MBD3: variants seen among roughly 807,000 people sequenced by gnomAD.
The protein encoded by MBD3 is methyl-CpG binding domain protein 3.
Under a neutral mutation model 31.2 loss-of-function variants are expected in MBD3, and 13 were observed. The observed-to-expected ratio is 0.42, with a 90% CI of 0.27 to 0.66. MBD3 has a LOEUF of 0.66. Ranked by LOEUF, MBD3 falls within the 30% of genes least tolerant of loss-of-function variation. The pLI, the probability that MBD3 is intolerant of heterozygous loss-of-function variation, is 0.26. For synonymous variants in MBD3, 223 were observed against 187.4 expected (o/e 1.19, Z -1.55); for missense variants, 440 against 426.5 (o/e 1.03, Z -0.28).
chr19:1,581,163 C>T lies in MBD3; in HGVS notation c.606G>A (p.Lys202=), dbSNP rs778658441. 6.2e-7 allele frequency: 1 copy of T among 1,614,140 alleles called. No individual in the cohort carries two copies. Among genetic ancestry groups the T allele is most frequent in the Non-Finnish European group, 8.5e-7 (1 of 1,180,032 alleles). The change falls in exon 5 of 7, where the codon AAG becomes AAA. Residue 202 remains lysine (K), a synonymous_variant. Coordinates refer to ENST00000434436, the MANE Select transcript of MBD3 (RefSeq NM_001281453.2). The part of the protein sequence containing the change: ...ITGQLSAAVE[K]NPGVWLNTTQ... ...TGGTGTTGAGCCATACGCCGGGGTT[C>T]TTCTCCACGGCGGCCGAGAGCTGTC...
At chr19:1,588,757 C>G (rs368639637) in intron 1 of MBD3, among the ~76,000 whole-genome samples, 1 of 128,992 alleles carries the variant, frequency 7.8e-6, no homozygotes, top group African/African-American at 3.0e-5. Flanking sequence ...CCAGCCTGGG[C>G]GACAGAGCAA....
rs1218149524 is a variant in MBD3 at position 1,585,341 on chromosome 19, C to T, written c.111-127G>A. 7.6e-6 allele frequency: 8 copies of T among 1,050,422 alleles called. No individual in the cohort carries two copies. The Admixed American group carries it at 1.2e-4, about 15-fold the overall frequency. The allele number at this position is 1,050,422 out of a possible 1,614,324, so 65.1% of individuals were successfully genotyped here. A position where few individuals can be genotyped will look rare whatever the true frequency, so the allele number is the denominator to read the frequency against. On this transcript the variant is annotated intron_variant, in intron 1 of 6. Transcript: ENST00000434436. The surrounding 1 kb of genome is among the most constrained non-coding windows in gnomAD (Gnocchi z 4.1). ...GCGACCCCAGCCCCAGACCCCAACA[C>T]GGCCCTGACCCCAAACCCAGGCAGG... is the stretch of plus-strand genomic sequence containing the variant.
chr19:1,584,611 T>A lies in MBD3; in HGVS notation c.337A>T (p.Thr113Ser), dbSNP rs2060668786. The A allele has an allele frequency of 6.2e-7, 1 of 1,613,920 alleles. No homozygotes were observed. Among genetic ancestry groups the A allele is most frequent in the Non-Finnish European group, 8.5e-7 (1 of 1,179,944 alleles). Residue 113 changes from threonine (T) to serine (S), a missense_variant, in exon 3 of 7, where the codon ACC becomes TCC. This residue lies in a region of MBD3 where 144 missense variants were observed against 196.9 expected (regional missense o/e 0.73). Transcript: ENST00000434436. The stretch of plus-strand genomic sequence containing the variant: ...TTGCTGGGGTGGTTGGTAATCTTGG[T>A]CACCGGCTGCTTGAAGATGGACGCC... ...QTASIFKQPV[T>S]KITNHPSNKV...
At chr19:1,589,671 T>G (rs557950662) in intron 1 of MBD3, among the ~76,000 whole-genome samples, 14 of 151,900 alleles carry the variant, frequency 9.2e-5, no homozygotes, top group Non-Finnish European at 1.8e-4. Context: ...TAAATAATAA[T>G]GAACATAAAA....
At chr19:1,581,428 T>TA in intron 4 of MBD3, 159 bp from the exon 5 acceptor site, 1 of 765,418 alleles carries the variant, frequency 1.3e-6, no homozygotes, top group Non-Finnish European at 2.2e-6. Flanking sequence ...CCGCTTGTGT[T>TA]ACTACATTCA....
intron 4 of MBD3, 29 bp downstream of exon 4, chr19:1,582,593 T>G: frequency 6.2e-7 from 1 of 1,606,134 alleles, no homozygotes; most frequent in East Asian, 2.2e-5. Context: ...GCACATCCCC[T>G]TCCGCCTCCC....
rs778701832 is a variant in MBD3, at chr19:1,578,388, CTCCTCGTCT to C, written c.819_827del (p.Asp274_Glu276del). On this transcript the variant is annotated inframe_deletion, in exon 6 of 7. Coordinates refer to ENST00000434436, the MANE Select transcript of MBD3 (RefSeq NM_001281453.2). The surrounding 1 kb of genome is among the most constrained non-coding windows in gnomAD (Gnocchi z 6.1). ...CCGGGTCGGGCTCCTCCTCCTCCTC[CTCCTCGTCT>C]TCCTCGTCGTCGTCCTCAGCGCAGG... 6.2e-5 allele frequency: 100 copies of C among 1,604,390 alleles called. No homozygotes were observed. In the South Asian group the frequency reaches 8.0e-4, roughly 13 times the overall value.
At position 1,592,584 on chromosome 19, in the gene MBD3, C is replaced by T. The variant is rs1435669292; in HGVS notation, c.48G>A (p.Glu16=). ...WECPALPQGW[E]REEVPRRSGL... ...CCGACCTTCTGGGCACTTCTTCCCT[C>T]TCCCAGCCCTGCGGGAGCGCCGGGC... The change falls in exon 1 of 7, where the codon GAG becomes GAA. Residue 16 remains glutamate, a synonymous_variant. Coordinates refer to ENST00000434436, the MANE Select transcript of MBD3 (RefSeq NM_001281453.2). 1 of 1,424,974 alleles carries T rather than the reference C, an allele frequency of 7.0e-7. No homozygotes were observed. The highest frequency in any genetic ancestry group is 9.4e-7 in the Non-Finnish European group (1 of 1,065,802). The allele number at this position is 1,424,974 out of a possible 1,614,324, so 88.3% of individuals were successfully genotyped here.
At chr19:1,590,553 G>T (rs2060698841) in intron 1 of MBD3, among the ~76,000 whole-genome samples, 1 of 152,132 alleles carries the variant, frequency 6.6e-6, no homozygotes, top group Non-Finnish European at 1.5e-5. Flanking sequence ...GGGAGGTCAA[G>T]AATGCGTAAG....
chr19:1,585,212 G>A lies in MBD3; in HGVS notation c.113C>T (p.Pro38Leu), dbSNP rs756998738. The A allele has an allele frequency of 7.5e-6, 12 of 1,591,778 alleles. No individual in the cohort carries two copies. Among genetic ancestry groups the A allele is most frequent in the South Asian group, 5.6e-5 (5 of 89,678 alleles). Residue 38 changes from proline (P) to leucine (L), a missense_variant and splice_region_variant, in exon 2 of 7, where the codon CCG becomes CTG. Coordinates refer to ENST00000434436, the MANE Select transcript of MBD3 (RefSeq NM_001281453.2). This position sits in a 1 kb window ranked among gnomAD's most constrained non-coding sequence, Gnocchi z 4.1. ...CTTGCTGCGGAACTTCTTCCCGCTC[G>A]GGCTGCGGGGAGGCGGGACGGTCGG... ...AGHRDVFYYS[P>L]SGKKFRSKPQ...
intron 4 of MBD3, 38 bp from the exon 5 acceptor site, chr19:1,581,307 T>C: frequency 6.3e-7 from 1 of 1,591,484 alleles, no homozygotes; most frequent in South Asian, 1.1e-5. Flanking sequence ...AGTGGAGAGG[T>C]CACCACGGGG....
chr19:1,578,612 A>T lies in MBD3; in HGVS notation c.678-74T>A. On this transcript the variant is annotated intron_variant, in intron 5 of 6. Transcript: ENST00000434436. This position sits in a 1 kb window ranked among gnomAD's most constrained non-coding sequence, Gnocchi z 6.1. ...ACATGGACACAGGATGAACGTGGGG[A>T]CCTCAGCTGGGAGGGGAGGCCCGAG... 1 of 1,601,892 alleles carries T rather than the reference A, an allele frequency of 6.2e-7. No individual in the cohort carries two copies. Among genetic ancestry groups the T allele is most frequent in the Admixed American group, 1.7e-5 (1 of 59,994 alleles).
chr19:1,591,541 GA>G (rs2060703621), intron 1 of MBD3, among the ~76,000 whole-genome samples: 1 of 152,140 alleles, frequency 6.6e-6, no homozygotes, highest in African/African-American at 2.4e-5. Flanking sequence ...GAAAAAGGGG[GA>G]CCAGCCGCAC....
chr19:1,592,585 T>C lies in MBD3; in HGVS notation c.47A>G (p.Glu16Gly). ...CGACCTTCTGGGCACTTCTTCCCTC[T>C]CCCAGCCCTGCGGGAGCGCCGGGCA... Reference protein sequence around the residue: ...WECPALPQGWEREEVPRRSGL... With the variant: ...WECPALPQGWGREEVPRRSGL... The change falls in exon 1 of 7, where the codon GAG becomes GGG. Residue 16 changes from glutamate to glycine, a missense_variant. Physicochemically the swap from Glu to Gly is moderately conservative, Grantham distance 98. Around this residue, in one of 3 missense-constraint regions of MBD3, gnomAD observed 179 missense variants for 134.7 expected, o/e 1.33. Coordinates refer to ENST00000434436, the MANE Select transcript of MBD3 (RefSeq NM_001281453.2). The C allele has an allele frequency of 2.1e-6, 3 of 1,420,942 alleles. No individual in the cohort carries two copies. Among genetic ancestry groups the C allele is most frequent in the East Asian group, 3.6e-5 (1 of 27,770 alleles). The allele number at this position is 1,420,942 out of a possible 1,614,324, so 88.0% of individuals were successfully genotyped here. A position where few individuals can be genotyped will look rare whatever the true frequency, so the allele number is the denominator to read the frequency against.
intron 3 of MBD3, among the ~76,000 whole-genome samples, chr19:1,583,898 T>C (rs2060665040): frequency 1.3e-5 from 2 of 152,154 alleles, no homozygotes; most frequent in Middle Eastern, 3.2e-3. Flanking sequence ...CTCGGCTCAC[T>C]GCAACCTCCA....
At chr19:1,590,756 T>A (rs543131516) in intron 1 of MBD3, among the ~76,000 whole-genome samples, 1 of 152,120 alleles carries the variant, frequency 6.6e-6, no homozygotes, top group African/African-American at 2.4e-5. Context: ...ACCACACGTA[T>A]AGAAAAAAGT....
In MBD3 at chr19:1,578,238, C is replaced by T. The variant is rs1446593316; in HGVS notation, c.*6-80G>A. Reference sequence around the variant, plus strand: ...GGCTCTTCTAGGGAGATGGGAAGCTCTTGGGAGGCACCCGTCATCCCAAGC... The same window carrying T: ...GGCTCTTCTAGGGAGATGGGAAGCTTTTGGGAGGCACCCGTCATCCCAAGC... On this transcript the variant is annotated intron_variant, in intron 6 of 6. Coordinates refer to ENST00000434436, the MANE Select transcript of MBD3 (RefSeq NM_001281453.2). This position sits in a 1 kb window ranked among gnomAD's most constrained non-coding sequence, Gnocchi z 6.1. 4 of 1,566,718 alleles carry T rather than the reference C, an allele frequency of 2.6e-6. No homozygotes were observed. In the Admixed American group the frequency reaches 5.1e-5, roughly 20 times the overall value.
rs1027031684 is a variant in MBD3, at chr19:1,574,012, G to C, written c.*4152C>G. 1.3e-5 allele frequency: 2 copies of C among 150,332 alleles called. No homozygotes were observed. Among genetic ancestry groups the C allele is most frequent in the African/African-American group, 4.9e-5 (2 of 40,732 alleles). The allele number at this position is 150,332 out of a possible 1,614,324, so 9.3% of individuals were successfully genotyped here. On this transcript the variant is annotated 3_prime_UTR_variant, in exon 7 of 7. Transcript: ENST00000434436. ...AGCGAAACTCCATGCCGAAGAAGAAGAAGAAAAAAAAGTACACAATTCTGG... is the reference window on the plus strand; with the variant it reads ...AGCGAAACTCCATGCCGAAGAAGAACAAGAAAAAAAAGTACACAATTCTGG...
At position 1,578,419 on chromosome 19, in the gene MBD3, C is replaced by T; in HGVS notation, c.797G>A (p.Cys266Tyr). The stretch of plus-strand genomic sequence containing the variant: ...GTCTTCCTCGTCGTCGTCCTCAGCG[C>T]AGGCCTTGTCCAGCGGCGCCTCCCC... The part of the protein sequence containing the change: ...RDGEAPLDKA[C>Y]AEDDDEEDEE... Residue 266 changes from cysteine to tyrosine, a missense_variant, in exon 6 of 7, where the codon TGC (cysteine) becomes TAC (tyrosine). Coordinates refer to ENST00000434436, the MANE Select transcript of MBD3 (RefSeq NM_001281453.2). This position sits in a 1 kb window ranked among gnomAD's most constrained non-coding sequence, Gnocchi z 6.1. 2 of 1,605,478 alleles carry T rather than the reference C, an allele frequency of 1.2e-6. No homozygotes were observed. Among genetic ancestry groups the T allele is most frequent in the Non-Finnish European group, 1.7e-6 (2 of 1,179,764 alleles).
Sources: gnomAD v4.1 joint callset for allele counts (sites outside exome capture counted in the v4.1 genomes callset) on GRCh38, gnomAD v4.1.1 for gene constraint, gnomAD v4.1.1 regional missense constraint, Gnocchi (gnomAD v3.1) non-coding constraint, MANE v1.5 for transcripts, NCBI Gene and HGNC (gene_info 2026-07-23, HGNC 2026-07-21) for gene names.